Variants in WWOX observed in about 807,000 individuals in gnomAD.
WWOX encodes WW domain containing oxidoreductase, also known as WW domain-containing oxidoreductase.
WWOX carries 69 observed loss-of-function variants against 46.2 expected under a neutral mutation model. The observed-to-expected ratio is 1.49, with a 90% CI of 1.23 to 1.82. WWOX has a LOEUF of 1.82. WWOX is among the 40% of genes most tolerant of loss of function. The probability of loss-of-function intolerance (pLI) is 0.00; values close to 1 mark genes in which losing one functional copy is unlikely to be tolerated. For missense variants in WWOX, 919 were observed against 542.6 expected (o/e 1.69, Z -6.89); for synonymous variants, 359 against 202.6 (o/e 1.77, Z -6.56).
intron 8 of WWOX, chr16:78,994,439 A>AT (rs1398752863): frequency 2.0e-5 from 3 of 152,164 alleles, no homozygotes; most frequent in Non-Finnish European, 4.4e-5. Flanking sequence ...CGGTTCACGT[A>AT]TTTTAACAGG....
intron 8 of WWOX, among the ~76,000 whole-genome samples, chr16:79,088,620 C>G (rs1409383416): frequency 6.6e-6 from 1 of 152,146 alleles, no homozygotes; most frequent in Non-Finnish European, 1.5e-5. Flanking sequence ...TCCATGGAGA[C>G]CACTTTACTT....
chr16:79,112,580 C>T (rs1317681405), intron 8 of WWOX, among the ~76,000 whole-genome samples: 1 of 152,176 alleles, frequency 6.6e-6, no homozygotes, highest in South Asian at 2.1e-4. Flanking sequence ...TTCACTGATG[C>T]AGATATTTCT....
intron 8 of WWOX, among the ~76,000 whole-genome samples, chr16:78,519,657 C>A (rs1304223319): frequency 6.6e-6 from 1 of 152,026 alleles, no homozygotes; most frequent in Non-Finnish European, 1.5e-5. Context: ...TGATAAGGTC[C>A]TGGGGGCGGA....
intron 8 of WWOX, among the ~76,000 whole-genome samples, chr16:79,059,524 C>A (rs2048322708): frequency 6.6e-6 from 1 of 151,986 alleles, no homozygotes; most frequent in African/African-American, 2.4e-5. Context: ...GGAGTCTTGC[C>A]CTGTTGCCCT....
chr16:78,738,171 C>G lies in WWOX; in HGVS notation c.1056+305419C>G, dbSNP rs192203588. Among the ~76,000 whole-genome samples the G allele has an allele frequency of 3.8e-3, 579 of 152,234 alleles. 1 individual carries two copies. The highest frequency in any genetic ancestry group is 5.6e-3 in the Non-Finnish European group (380 of 68,020). ...TTTAAGCCCTTGTGTGTGTCCGACT[C>G]ATAAAAGTTCAGAAGGTTGTTACTG... is the stretch of plus-strand genomic sequence containing the variant. On this transcript the variant is annotated intron_variant, in intron 8 of 8. Transcript: ENST00000566780.
intron 8 of WWOX, among the ~76,000 whole-genome samples, chr16:78,737,908 T>C (rs1191242528): frequency 6.6e-6 from 1 of 152,140 alleles, no homozygotes; most frequent in African/African-American, 2.4e-5. Context: ...TCCCAGTCAG[T>C]CATTTCCCTA....
At chr16:79,103,557 T>A (rs1025741273) in intron 8 of WWOX, among the ~76,000 whole-genome samples, 1 of 152,208 alleles carries the variant, frequency 6.6e-6, no homozygotes, top group Non-Finnish European at 1.5e-5. Flanking sequence ...AGGGTGATTG[T>A]CAGCTCCAAT....
intron 8 of WWOX, among the ~76,000 whole-genome samples, chr16:78,950,429 G>T (rs2046035545): frequency 6.6e-6 from 1 of 151,890 alleles, no homozygotes; most frequent in South Asian, 2.1e-4. Flanking sequence ...GTCAGCTCCT[G>T]ATGAAAAAGA....
intron 8 of WWOX, among the ~76,000 whole-genome samples, chr16:78,842,107 T>A (rs531070493): frequency 3.9e-4 from 59 of 152,210 alleles, no homozygotes; most frequent in Non-Finnish European, 6.2e-4. Context: ...TGAACTGAGA[T>A]TAGAGAGATC....
intron 8 of WWOX, among the ~76,000 whole-genome samples, chr16:78,585,900 C>T (rs2045191037): frequency 6.6e-6 from 1 of 151,892 alleles, no homozygotes; most frequent in African/African-American, 2.4e-5. Context: ...ATCTTCCTTC[C>T]CTTCAGAGGT....
At chr16:78,328,848 T>A (rs2080693643) in intron 5 of WWOX, among the ~76,000 whole-genome samples, 1 of 149,474 alleles carries the variant, frequency 6.7e-6, no homozygotes, top group South Asian at 2.1e-4. Flanking sequence ...TTTTCTTTTG[T>A]TTTCTTTTCT....
At chr16:78,958,721 C>G (rs1008398367) in intron 8 of WWOX, among the ~76,000 whole-genome samples, 1 of 152,132 alleles carries the variant, frequency 6.6e-6, no homozygotes, top group Non-Finnish European at 1.5e-5. Context: ...GCAGGTATCA[C>G]CAGGATGCAA....
chr16:78,293,891 G>T (rs2079898884), intron 5 of WWOX, among the ~76,000 whole-genome samples: 1 of 139,938 alleles, frequency 7.1e-6, no homozygotes, highest in African/African-American at 2.6e-5. Context: ...CAGGAGAATT[G>T]CTTGAACCCT....
chr16:79,105,362 G>C (rs1211199842), intron 8 of WWOX, among the ~76,000 whole-genome samples: 1 of 152,126 alleles, frequency 6.6e-6, no homozygotes, highest in Non-Finnish European at 1.5e-5. Flanking sequence ...AAAACTCAGA[G>C]AAAAGGGCAC....
chr16:78,944,668 C>T (rs993197886), intron 8 of WWOX, among the ~76,000 whole-genome samples: 9 of 152,064 alleles, frequency 5.9e-5, no homozygotes, highest in East Asian at 3.9e-4. Flanking sequence ...TGCGGAGATT[C>T]GAGCATGTGG....
chr16:78,497,869 A>T (rs548050404), intron 8 of WWOX, among the ~76,000 whole-genome samples: 2,969 of 19,504 alleles, frequency 0.15, 102 homozygotes, highest in African/African-American at 0.17. Context: ...TAAAAAAATT[A>T]AAAAAGCCCA....
At chr16:78,298,557 C>T (rs1214281890) in intron 5 of WWOX, among the ~76,000 whole-genome samples, 3 of 152,042 alleles carry the variant, frequency 2.0e-5, no homozygotes, top group Non-Finnish European at 2.9e-5. Flanking sequence ...TTTGGGAGGC[C>T]GAGGCGGGCA....
At chr16:78,261,436 A>AAATAAATG (rs55895815) in intron 5 of WWOX, among the ~76,000 whole-genome samples, 1 of 150,496 alleles carries the variant, frequency 6.6e-6, no homozygotes, top group African/African-American at 2.5e-5. Context: ...ATAAATAAAT[A>AAATAAATG]TTTTGTAAAA....
intron 8 of WWOX, among the ~76,000 whole-genome samples, chr16:79,061,531 G>A (rs1006090818): frequency 1.3e-5 from 2 of 152,184 alleles, no homozygotes; most frequent in African/African-American, 4.8e-5. Flanking sequence ...ATTAGAAGCT[G>A]CTGATTTCTG....
Sources: gnomAD v4.1 joint callset for allele counts (sites outside exome capture counted in the v4.1 genomes callset) on GRCh38, gnomAD v4.1.1 for gene constraint, MANE v1.5 for transcripts, NCBI Gene and HGNC (gene_info 2026-07-23, HGNC 2026-07-21) for gene names.